The following SHANK2 variants were observed in gnomAD, a reference collection of about 807,000 sequenced individuals.
The protein encoded by SHANK2 is SH3 and multiple ankyrin repeat domains 2.
SHANK2 carries 43 observed loss-of-function variants against 133.7 expected under a neutral mutation model. The observed-to-expected ratio is 0.32, with a 90% CI of 0.25 to 0.41. The LOEUF is 0.41. Among genes scored for constraint, SHANK2 ranks in the 10% least tolerant of loss-of-function variants. SHANK2 has a pLI of 1.00. For synonymous variants in SHANK2, 1,017 were observed against 952.8 expected (o/e 1.07, Z -1.24); for missense variants, 1,994 against 2,235.8 (o/e 0.89, Z 2.18).
chr11:70,890,786 T>A (rs1394970830), intron 11 of SHANK2, among the ~76,000 whole-genome samples: 6 of 91,104 alleles, frequency 6.6e-5, no homozygotes, highest in African/African-American at 2.7e-4. Context: ...GCAGCAAGAG[T>A]GAAACTGTCT....
intron 22 of SHANK2, 100 bp downstream of exon 22, chr11:70,492,235 C>T: frequency 6.4e-7 from 1 of 1,555,572 alleles, no homozygotes; most frequent in Non-Finnish European, 8.7e-7. Context: ...CAGCACGAAC[C>T]AGACATGAAA....
chr11:71,060,870 A>C (rs1950979079), intron 9 of SHANK2, among the ~76,000 whole-genome samples: 1 of 152,246 alleles, frequency 6.6e-6, no homozygotes, highest in Non-Finnish European at 1.5e-5. Context: ...TCAGGGTGGG[A>C]AACCCCTGGA....
intron 8 of SHANK2, among the ~76,000 whole-genome samples, chr11:71,090,911 C>T (rs1224283765): frequency 6.6e-6 from 1 of 152,036 alleles, no homozygotes; most frequent in Non-Finnish European, 1.5e-5. Context: ...CCTCTTAAGG[C>T]CTTCAACTCA....
intron 6 of SHANK2, among the ~76,000 whole-genome samples, chr11:71,098,234 C>T (rs961679570): frequency 1.4e-5 from 2 of 140,350 alleles, no homozygotes; most frequent in Admixed American, 7.1e-5. Context: ...TGTCTACATG[C>T]CTGTGTGCAT....
intron 14 of SHANK2, among the ~76,000 whole-genome samples, chr11:70,720,293 T>G (rs1472429657): frequency 6.6e-6 from 1 of 152,208 alleles, no homozygotes; most frequent in Non-Finnish European, 1.5e-5. Context: ...TCTAACTGGT[T>G]TATCACAAAA....
chr11:71,089,030 C>G (rs1322275960), intron 8 of SHANK2, among the ~76,000 whole-genome samples: 1 of 152,240 alleles, frequency 6.6e-6, no homozygotes, highest in Admixed American at 6.5e-5. Context: ...CAGGGGCCGC[C>G]CCTCGTCCTG....
At chr11:71,137,394 C>T (rs1952464710) in intron 3 of SHANK2, among the ~76,000 whole-genome samples, 1 of 150,044 alleles carries the variant, frequency 6.7e-6, no homozygotes, top group Admixed American at 6.6e-5. Flanking sequence ...ACGGTCATAG[C>T]ATTGGTTTTG....
At position 70,569,055 on chromosome 11, in the gene SHANK2, C is replaced by T. The variant is rs1554982558; in HGVS notation, c.2062-66124G>A. Among the ~76,000 whole-genome samples the T allele has an allele frequency of 6.6e-6, 1 of 152,218 alleles. No homozygotes were observed. The highest frequency in any genetic ancestry group is 6.5e-5 in the Admixed American group (1 of 15,288). Reference sequence around the variant, plus strand: ...TTTTCAGGCATGCAGCATGCAGGCCCCACTCCTGCCGCTGGACTTACAGTG... The same window carrying T: ...TTTTCAGGCATGCAGCATGCAGGCCTCACTCCTGCCGCTGGACTTACAGTG... On this transcript the variant is annotated intron_variant, in intron 17 of 25. Transcript: ENST00000601538. The surrounding 1 kb of genome is among the most constrained non-coding windows in gnomAD (Gnocchi z 5.1).
intron 22 of SHANK2, among the ~76,000 whole-genome samples, chr11:70,490,973 G>T (rs549128417): frequency 6.6e-6 from 1 of 152,220 alleles, no homozygotes; most frequent in African/African-American, 2.4e-5. Flanking sequence ...GCACAGCCTG[G>T]AGTCTGCAGC....
intron 15 of SHANK2, among the ~76,000 whole-genome samples, chr11:70,687,297 T>C (rs1170316914): frequency 6.6e-6 from 1 of 152,212 alleles, no homozygotes; most frequent in Non-Finnish European, 1.5e-5. Flanking sequence ...GCTTGAAACC[T>C]GCTTGCTGGA....
At chr11:70,780,370 T>A (rs1947454997) in intron 14 of SHANK2, among the ~76,000 whole-genome samples, 1 of 152,026 alleles carries the variant, frequency 6.6e-6, no homozygotes, top group Non-Finnish European at 1.5e-5. Context: ...AGGCATTCGA[T>A]CCCCAGTAAC....
intron 17 of SHANK2, among the ~76,000 whole-genome samples, chr11:70,626,950 C>T (rs978360859): frequency 8.5e-5 from 13 of 152,160 alleles, no homozygotes; most frequent in African/African-American, 2.2e-4. Flanking sequence ...TCCGTCAGCA[C>T]GTATCTCATT....
At chr11:71,221,073 C>T (rs1003930134) in intron 2 of SHANK2, among the ~76,000 whole-genome samples, 3 of 151,814 alleles carry the variant, frequency 2.0e-5, no homozygotes, top group Middle Eastern at 3.2e-3. Flanking sequence ...TGGTGGCAGG[C>T]GCCTGTAGTC....
chr11:70,575,149 G>A (rs907297942), intron 17 of SHANK2, among the ~76,000 whole-genome samples: 2 of 152,242 alleles, frequency 1.3e-5, no homozygotes, highest in African/African-American at 4.8e-5. Context: ...GAGTGGGAAG[G>A]ACACTGGGGT....
intron 9 of SHANK2, among the ~76,000 whole-genome samples, chr11:71,060,497 G>A (rs905132963): frequency 1.2e-4 from 18 of 152,360 alleles, no homozygotes; most frequent in Admixed American, 3.3e-4. Context: ...TCAGGGTCTC[G>A]TCCCTGGAAC....
At chr11:71,201,456 C>T (rs1591014767) in intron 2 of SHANK2, among the ~76,000 whole-genome samples, 1 of 152,236 alleles carries the variant, frequency 6.6e-6, no homozygotes. Flanking sequence ...CACTGCACTC[C>T]AATGCCATGA....
intron 8 of SHANK2, among the ~76,000 whole-genome samples, chr11:71,082,890 G>T (rs952032633): frequency 9.2e-5 from 14 of 152,140 alleles, no homozygotes; most frequent in Admixed American, 4.6e-4. Context: ...CGAGGGGCTG[G>T]GAGCAGGTGT....
Position 70,727,077 on chromosome 11 carries a change from CT to C in SHANK2, c.1778-28315del, listed in dbSNP as rs75640021. On this transcript the variant is annotated intron_variant, in intron 14 of 25. Coordinates refer to ENST00000601538, the MANE Select transcript of SHANK2 (RefSeq NM_012309.5). ...AATGACGGTTGTTTTAAGCCACTAA[CT>C]TTTGGGATAATTTGTTATGCAGCAA... Among the ~76,000 whole-genome samples, 1,127 of 152,328 alleles carry C rather than the reference CT, an allele frequency of 7.4e-3. 32 individuals are homozygous for C. In the East Asian group the frequency reaches 0.085, roughly 11 times the overall value.
intron 14 of SHANK2, among the ~76,000 whole-genome samples, chr11:70,780,158 C>T (rs1375537032): frequency 6.6e-6 from 1 of 152,178 alleles, no homozygotes; most frequent in Non-Finnish European, 1.5e-5. Flanking sequence ...ATGCCTGATG[C>T]CAGACAATTT....
Sources: gnomAD v4.1 joint callset for allele counts (sites outside exome capture counted in the v4.1 genomes callset) on GRCh38, gnomAD v4.1.1 for gene constraint, Gnocchi (gnomAD v3.1) non-coding constraint, MANE v1.5 for transcripts, NCBI Gene and HGNC (gene_info 2026-07-23, HGNC 2026-07-21) for gene names.